Variants in DCUN1D2 observed in about 807,000 individuals in gnomAD.
The protein encoded by DCUN1D2 is defective in cullin neddylation 1 domain containing 2, also known as DCN1-like protein 2.
A neutral mutation model predicts 30.9 loss-of-function variants in DCUN1D2; 29 were observed. That is an observed-to-expected ratio of 0.94 (90% CI 0.70 to 1.28). The LOEUF is 1.28. Ranked by LOEUF, DCUN1D2 falls within the 50% of genes most tolerant of loss-of-function variation. The pLI is 0.00. For missense variants in DCUN1D2, 325 were observed against 316.9 expected, an observed-to-expected ratio of 1.03 and a Z score of -0.19; for synonymous variants, 121 against 115.3, an observed-to-expected ratio of 1.05 and a Z score of -0.32.
In DCUN1D2 at chr13:113,490,688, T is replaced by C; in HGVS notation, c.-19A>G. ...CTACCATCTCCCCCGCGCCGCCCGC[T>C]TCTGGCCGGCCCCGGCCTTCTGCGC... On this transcript the variant is annotated 5_prime_UTR_variant, in exon 1 of 7. Transcript: ENST00000478244. The surrounding 1 kb of genome is among the most constrained non-coding windows in gnomAD (Gnocchi z 5.2). 3 of 1,236,004 alleles carry C rather than the reference T, an allele frequency of 2.4e-6. No homozygotes were observed. In the African/African-American group the frequency reaches 4.8e-5, roughly 20 times the overall value. 76.6% of individuals were successfully genotyped at this position (1,236,004 alleles called of 1,614,324 possible).
chr13:113,472,737 C>T (rs1170478535), intron 4 of DCUN1D2, among the ~76,000 whole-genome samples: 4 of 152,310 alleles, frequency 2.6e-5, no homozygotes, highest in Non-Finnish European at 2.9e-5. Flanking sequence ...CTGGAGGTCT[C>T]GACACTGCTG....
chr13:113,464,530 C>T (rs746316967), intron 4 of DCUN1D2, among the ~76,000 whole-genome samples: 23 of 152,226 alleles, frequency 1.5e-4, no homozygotes, highest in Admixed American at 2.6e-4. Context: ...TATAACCTCC[C>T]GGAAATTACC....
chr13:113,488,307 T>C lies in DCUN1D2; in HGVS notation c.3+2360A>G, dbSNP rs1339767328. Among the ~76,000 whole-genome samples the C allele has an allele frequency of 1.3e-5, 2 of 152,194 alleles. No individual in the cohort carries two copies. The highest frequency in any genetic ancestry group is 2.4e-5 in the African/African-American group (1 of 41,442). On this transcript the variant is annotated intron_variant, in intron 1 of 6. Transcript: ENST00000478244. This position sits in a 1 kb window ranked among gnomAD's most constrained non-coding sequence, Gnocchi z 4.3. ...TGGTTCTGAAGGAGCAAGAGAAGCTTTGGGGTCTAGGCTTAGTCCATTAAC... is the reference window on the plus strand; with the variant it reads ...TGGTTCTGAAGGAGCAAGAGAAGCTCTGGGGTCTAGGCTTAGTCCATTAAC...
chr13:113,464,520 T>C, intron 4 of DCUN1D2, among the ~76,000 whole-genome samples: 1 of 152,258 alleles, frequency 6.6e-6, no homozygotes, highest in East Asian at 1.9e-4. Flanking sequence ...GACTCTAATT[T>C]ATAACCTCCC....
intron 3 of DCUN1D2, among the ~76,000 whole-genome samples, chr13:113,475,112 G>T (rs907650496): frequency 6.6e-6 from 1 of 152,172 alleles, no homozygotes; most frequent in Non-Finnish European, 1.5e-5. Context: ...GAACATTGAA[G>T]AAAGCTTTAG....
chr13:113,480,607 T>C lies in DCUN1D2; in HGVS notation c.357A>G (p.Arg119=), dbSNP rs1041279696. The change falls in exon 3 of 7, where the codon AGA becomes AGG. Residue 119 remains arginine (R), a synonymous_variant. Coordinates refer to ENST00000478244, the MANE Select transcript of DCUN1D2 (RefSeq NM_001014283.2). The part of the protein sequence containing the change: ...FRAATQCEFS[R]KEFLDGMTEL... ...CTGTCATGCCATCTAGAAATTCCTT[T>C]CTGCTAAATTCACACTGAGTTGCTG... 1.2e-6 allele frequency: 2 copies of C among 1,614,042 alleles called. No homozygotes were observed. Among genetic ancestry groups the C allele is most frequent in the African/African-American group, 2.7e-5 (2 of 74,936 alleles).
chr13:113,485,315 T>C (rs1372401996), intron 1 of DCUN1D2, among the ~76,000 whole-genome samples: 2 of 152,328 alleles, frequency 1.3e-5, no homozygotes, highest in East Asian at 3.9e-4. Flanking sequence ...CATGGAATGA[T>C]TTATAACATA....
At chr13:113,475,598 G>C (rs1209905712) in intron 3 of DCUN1D2, among the ~76,000 whole-genome samples, 1 of 152,186 alleles carries the variant, frequency 6.6e-6, no homozygotes, top group African/African-American at 2.4e-5. Context: ...ATCAAGGGTG[G>C]CGGCTGGGCC....
intron 4 of DCUN1D2, among the ~76,000 whole-genome samples, chr13:113,470,161 T>C (rs2044476912): frequency 6.6e-6 from 1 of 152,228 alleles, no homozygotes; most frequent in Non-Finnish European, 1.5e-5. Flanking sequence ...CTTCAGTGTG[T>C]TTGGATACAC....
intron 3 of DCUN1D2, 123 bp downstream of exon 3, chr13:113,480,452 G>A: frequency 9.3e-7 from 1 of 1,078,766 alleles, no homozygotes; most frequent in Non-Finnish European, 1.3e-6. Flanking sequence ...AGACGCATAA[G>A]AAATTTTAAA....
intron 4 of DCUN1D2, among the ~76,000 whole-genome samples, chr13:113,463,970 T>C (rs955194192): frequency 2.0e-5 from 3 of 152,214 alleles, no homozygotes; most frequent in Non-Finnish European, 4.4e-5. Flanking sequence ...ACCGACCACA[T>C]CATCTTTGGA....
chr13:113,465,298 T>A (rs1341812672), intron 4 of DCUN1D2, among the ~76,000 whole-genome samples: 1 of 152,152 alleles, frequency 6.6e-6, no homozygotes, highest in Non-Finnish European at 1.5e-5. Flanking sequence ...ATCAGACTAA[T>A]CCTCACTTTG....
chr13:113,472,424 C>A (rs1026549265), intron 4 of DCUN1D2, among the ~76,000 whole-genome samples: 6 of 152,192 alleles, frequency 3.9e-5, no homozygotes, highest in Non-Finnish European at 8.8e-5. Flanking sequence ...GAATACAGGT[C>A]TGGGGTAGAA....
rs1048468880 is a variant in DCUN1D2 at position 113,457,567 on chromosome 13, T to A, written c.*462A>T. 6.5e-6 allele frequency: 1 copy of A among 153,214 alleles called. No homozygotes were observed. Among genetic ancestry groups the A allele is most frequent in the African/African-American group, 2.4e-5 (1 of 41,514 alleles). 9.5% of individuals were successfully genotyped at this position (153,214 alleles called of 1,614,324 possible). A position where few individuals can be genotyped will look rare whatever the true frequency, so the allele number is the denominator to read the frequency against. ...GACTCTACGACAAGATCCTCTCCCT[T>A]AGGGCACATTCTTAACAGCTTTGAC... On this transcript the variant is annotated 3_prime_UTR_variant, in exon 7 of 7. Transcript: ENST00000478244.
At chr13:113,482,740 T>TGAGA (rs1319536844) in intron 2 of DCUN1D2, among the ~76,000 whole-genome samples, 1 of 152,086 alleles carries the variant, frequency 6.6e-6, no homozygotes, top group Non-Finnish European at 1.5e-5. Flanking sequence ...GTCAAGAGAT[T>TGAGA]GAGACCATCC....
intron 4 of DCUN1D2, among the ~76,000 whole-genome samples, chr13:113,470,928 C>G (rs986926424): frequency 9.4e-5 from 14 of 148,486 alleles, no homozygotes; most frequent in Non-Finnish European, 1.9e-4. Context: ...GGGGACCCAG[C>G]TCCACAGAAG....
intron 4 of DCUN1D2, among the ~76,000 whole-genome samples, chr13:113,472,260 CTG>C (rs1183114393): frequency 6.6e-6 from 1 of 151,928 alleles, no homozygotes; most frequent in Non-Finnish European, 1.5e-5. Context: ...GTAGTCCTGA[CTG>C]TGGTTTAGAA....
At position 113,490,586 on chromosome 13, in the gene DCUN1D2, T is replaced by C; in HGVS notation, c.3+81A>G. 8.5e-7 allele frequency: 1 copy of C among 1,180,978 alleles called. No homozygotes were observed. Among genetic ancestry groups the C allele is most frequent in the Non-Finnish European group, 1.1e-6 (1 of 946,238 alleles). The allele number at this position is 1,180,978 out of a possible 1,614,324, so 73.2% of individuals were successfully genotyped here. On this transcript the variant is annotated intron_variant, in intron 1 of 6. Transcript: ENST00000478244. This position sits in a 1 kb window ranked among gnomAD's most constrained non-coding sequence, Gnocchi z 5.2. ...AGCTCGCTGGGCTCGGCCTCCCACA[T>C]CCAGCGCGCCGCCTGCGCCGACCTT...
Position 113,482,205 on chromosome 13 carries a change from G to A in DCUN1D2, c.221-1462C>T, listed in dbSNP as rs540369133. Among the ~76,000 whole-genome samples, 3 of 152,220 alleles carry A rather than the reference G, an allele frequency of 2.0e-5. No homozygotes were observed. The East Asian group carries it at 5.8e-4, about 29-fold the overall frequency. ...TATTTGTCAACAGTCTTAGAACTAC[G>A]TTTATTTTTAGAGCCTAAAGTGATT... On this transcript the variant is annotated intron_variant, in intron 2 of 6. Coordinates refer to ENST00000478244, the MANE Select transcript of DCUN1D2 (RefSeq NM_001014283.2).
Sources: allele counts gnomAD v4.1 joint callset (sites outside exome capture counted in the v4.1 genomes callset), GRCh38; gene constraint gnomAD v4.1.1; non-coding constraint Gnocchi (gnomAD v3.1); transcripts MANE v1.5; gene names NCBI Gene and HGNC (gene_info 2026-07-23, HGNC 2026-07-21).